Variants in RAB18 observed in about 807,000 individuals in gnomAD.
RAB18 encodes RAB18, member RAS oncogene family.
Under a neutral mutation model 28.5 loss-of-function variants are expected in RAB18, and 10 were observed. That is an observed-to-expected ratio of 0.35 (90% CI 0.22 to 0.60). The LOEUF is 0.60. RAB18 is among the 20% of genes least tolerant of loss of function. The pLI, the probability that RAB18 is intolerant of heterozygous loss-of-function variation, is 0.78. For missense variants in RAB18, 188 were observed against 244.2 expected (o/e 0.77, Z 1.53); for synonymous variants, 93 against 86.9 (o/e 1.07, Z -0.39).
At chr10:27,536,770 A>T (rs112264180) in intron 6 of RAB18, among the ~76,000 whole-genome samples, 3 of 152,298 alleles carry the variant, frequency 2.0e-5, no homozygotes, top group African/African-American at 7.2e-5. Flanking sequence ...TAAAATTAGG[A>T]TATTGGATTT....
chr10:27,525,458 T>C (rs1834653583), intron 2 of RAB18, among the ~76,000 whole-genome samples: 1 of 150,802 alleles, frequency 6.6e-6, no homozygotes, highest in Non-Finnish European at 1.5e-5. Flanking sequence ...AGGAAGAAAA[T>C]GTAGATAATT....
At position 27,509,761 on chromosome 10, in the gene RAB18, A is replaced by C. The variant is rs554477270; in HGVS notation, c.69-114A>C. The C allele has an allele frequency of 8.4e-6, 7 of 833,646 alleles. No individual in the cohort carries two copies. In the South Asian group the frequency reaches 9.7e-5, roughly 12 times the overall value. The allele number at this position is 833,646 out of a possible 1,614,324, so 51.6% of individuals were successfully genotyped here. A position where few individuals can be genotyped will look rare whatever the true frequency, so the allele number is the denominator to read the frequency against. On this transcript the variant is annotated intron_variant, in intron 1 of 6. Coordinates refer to ENST00000356940, the MANE Select transcript of RAB18 (RefSeq NM_021252.5). ...AGGCAGTATTCCTAGGAACAGGCCT[A>C]CATCAGTTATTTTTATCTGCATCTA...
intron 2 of RAB18, among the ~76,000 whole-genome samples, chr10:27,516,070 C>T (rs188849331): frequency 7.8e-4 from 118 of 151,764 alleles, no homozygotes; most frequent in African/African-American, 2.8e-3. Context: ...CTCGTTCTTC[C>T]TGCTTTTCTT....
intron 4 of RAB18, among the ~76,000 whole-genome samples, chr10:27,533,053 A>G (rs1195554013): frequency 6.6e-6 from 1 of 152,096 alleles, no homozygotes; most frequent in Non-Finnish European, 1.5e-5. Context: ...ATTTGTTGAA[A>G]AGTGCTTGTT....
intron 2 of RAB18, among the ~76,000 whole-genome samples, chr10:27,522,083 G>A (rs573404075): frequency 6.6e-6 from 1 of 152,182 alleles, no homozygotes; most frequent in South Asian, 2.1e-4. Context: ...AAAAAAAGAC[G>A]TTTTGGAATT....
intron 1 of RAB18, among the ~76,000 whole-genome samples, chr10:27,506,098 CTTTT>C (rs958497698): frequency 2.0e-5 from 3 of 152,090 alleles, no homozygotes; most frequent in African/African-American, 7.2e-5. Flanking sequence ...TGTGATCTTT[CTTTT>C]TCTTTTCTCC....
chr10:27,537,353 T>C (rs1834921099), intron 6 of RAB18, among the ~76,000 whole-genome samples: 2 of 152,180 alleles, frequency 1.3e-5, no homozygotes, highest in African/African-American at 4.8e-5. Context: ...AACGCAGGGT[T>C]GGAAGCAGTG....
At chr10:27,524,436 T>C (rs1391040912) in intron 2 of RAB18, among the ~76,000 whole-genome samples, 1 of 152,238 alleles carries the variant, frequency 6.6e-6, no homozygotes, top group Non-Finnish European at 1.5e-5. Context: ...GTTGAGTTCA[T>C]ATTTTCTTTG....
intron 2 of RAB18, among the ~76,000 whole-genome samples, chr10:27,519,686 A>C (rs553480857): frequency 6.6e-6 from 1 of 152,258 alleles, no homozygotes; most frequent in South Asian, 2.1e-4. Context: ...ACCTAAATGA[A>C]TGGAAAGATA....
intron 3 of RAB18, chr10:27,531,599 G>GGGCCA: frequency 9.7e-7 from 1 of 1,035,910 alleles, no homozygotes; most frequent in Non-Finnish European, 1.5e-6. Context: ...ATCCTGAAGT[G>GGGCCA]GGCCATGTGG....
intron 2 of RAB18, among the ~76,000 whole-genome samples, chr10:27,512,041 C>G (rs1034368902): frequency 1.6e-4 from 25 of 151,998 alleles, no homozygotes; most frequent in African/African-American, 5.8e-4. Context: ...CCTCCTGCCT[C>G]AGCCTCCCAA....
In RAB18 at chr10:27,541,901, A is replaced by G. The variant is rs1284289796; in HGVS notation, c.*3850A>G. 3 of 453,604 alleles carry G rather than the reference A, an allele frequency of 6.6e-6. No individual in the cohort carries two copies. The highest frequency in any genetic ancestry group is 1.3e-5 in the Non-Finnish European group (3 of 226,744). 28.1% of individuals were successfully genotyped at this position (453,604 alleles called of 1,614,324 possible). A position where few individuals can be genotyped will look rare whatever the true frequency, so the allele number is the denominator to read the frequency against. On this transcript the variant is annotated 3_prime_UTR_variant, in exon 7 of 7. Transcript: ENST00000356940. ...GTCACACCCTCGGCTTTCTAGATTA[A>G]CCCAGTTACCTTTTAGCAGTGCCCC...
chr10:27,528,630 A>G (rs1274193109), intron 3 of RAB18, among the ~76,000 whole-genome samples: 1 of 152,048 alleles, frequency 6.6e-6, no homozygotes, highest in Non-Finnish European at 1.5e-5. Flanking sequence ...TCATAGCTGT[A>G]CTTTAGTCAG....
intron 1 of RAB18, 97 bp from the exon 2 acceptor site, chr10:27,509,778 C>T: frequency 2.0e-6 from 2 of 982,228 alleles, no homozygotes; most frequent in Non-Finnish European, 3.2e-6. Flanking sequence ...TTATTTTTAT[C>T]TGCATCTAAT....
chr10:27,531,169 A>G (rs1272727669), intron 3 of RAB18, among the ~76,000 whole-genome samples: 1 of 152,072 alleles, frequency 6.6e-6, no homozygotes, highest in Non-Finnish European at 1.5e-5. Flanking sequence ...TAAGCATGGC[A>G]GGGTGGGGAT....
rs1009948631 is a variant in RAB18, at chr10:27,522,082, C to T, written c.125-4746C>T. 2.0e-4 allele frequency among the ~76,000 whole-genome samples: 31 copies of T among 151,912 alleles called. 1 individual carries two copies. Among genetic ancestry groups the T allele is most frequent in the Non-Finnish European group, 7.4e-5 (5 of 67,984 alleles). On this transcript the variant is annotated intron_variant, in intron 2 of 6. Coordinates refer to ENST00000356940, the MANE Select transcript of RAB18 (RefSeq NM_021252.5). Reference sequence around the variant, plus strand: ...ATGTAATTTGTGGGGAAAAAAAAGACGTTTTGGAATTCAGTCAGGCAATAA... The same window carrying T: ...ATGTAATTTGTGGGGAAAAAAAAGATGTTTTGGAATTCAGTCAGGCAATAA...
chr10:27,511,221 C>T (rs142257572), intron 2 of RAB18, among the ~76,000 whole-genome samples: 34 of 152,114 alleles, frequency 2.2e-4, no homozygotes, highest in African/African-American at 5.8e-4. Flanking sequence ...AATTTATTTT[C>T]GAGACAGAGT....
rs750341801 is a variant in RAB18, at chr10:27,541,274, G to A, written c.*3223G>A. 9.3e-5 allele frequency: 42 copies of A among 453,538 alleles called. No individual in the cohort carries two copies. The highest frequency in any genetic ancestry group is 1.4e-4 in the South Asian group (9 of 64,460). The allele number at this position is 453,538 out of a possible 1,614,324, so 28.1% of individuals were successfully genotyped here. On this transcript the variant is annotated 3_prime_UTR_variant, in exon 7 of 7. Transcript: ENST00000356940. ...GGTTTTGCCTAAACTGTTGAAAGAC[G>A]AGAATAAATAGACATAGACAGGCTA...
chr10:27,541,076 A>C lies in RAB18; in HGVS notation c.*3025A>C. ...TCAGAGATCCTCTCCATATTCAAGC[A>C]TTATGCTTCTCTTTCTTGGGGGTAC... On this transcript the variant is annotated 3_prime_UTR_variant, in exon 7 of 7. Transcript: ENST00000356940. 2.2e-6 allele frequency: 1 copy of C among 453,792 alleles called. No homozygotes were observed. Among genetic ancestry groups the C allele is most frequent in the Non-Finnish European group, 4.4e-6 (1 of 226,666 alleles). 28.1% of individuals were successfully genotyped at this position (453,792 alleles called of 1,614,324 possible).
Sources: allele counts gnomAD v4.1 joint callset (sites outside exome capture counted in the v4.1 genomes callset), GRCh38; gene constraint gnomAD v4.1.1; transcripts MANE v1.5; gene names NCBI Gene and HGNC (gene_info 2026-07-23, HGNC 2026-07-21).